ACER1: variants seen among roughly 807,000 people sequenced by gnomAD.
ACER1 encodes the protein CTB-180A7.3.
In ACER1, 28 loss-of-function variants were observed where a neutral mutation model predicts 24.9. The ratio of observed to expected loss-of-function variants is 1.13; its 90% CI spans 0.83 to 1.54. ACER1 has a LOEUF of 1.54. Among genes scored for constraint, ACER1 ranks in the 40% most tolerant of loss-of-function variants. The probability of loss-of-function intolerance (pLI) is 0.00; values close to 1 mark genes in which losing one functional copy is unlikely to be tolerated. For synonymous variants in ACER1, 132 were observed against 131.4 expected (o/e 1.00, Z -0.03); for missense variants, 352 against 349.3 (o/e 1.01, Z -0.06).
intron 1 of ACER1, 69 bp downstream of exon 1, chr19:6,333,390 G>T: frequency 7.6e-7 from 1 of 1,317,058 alleles, no homozygotes; most frequent in Non-Finnish European, 1.1e-6. Flanking sequence ...CCCCAGTAAG[G>T]CTGTATGGGG....
chr19:6,354,968 G>A, the ACER1 span, among the ~76,000 whole-genome samples: 3 of 152,122 alleles, frequency 2.0e-5, no homozygotes, highest in Non-Finnish European at 2.9e-5. Flanking sequence ...GATTGCAGGC[G>A]CGCGCCACCA....
At chr19:6,324,856 AGAGAAAGG>A (rs1236936615) in intron 1 of ACER1, among the ~76,000 whole-genome samples, 1 of 102,346 alleles carries the variant, frequency 9.8e-6, no homozygotes, top group African/African-American at 3.7e-5. Flanking sequence ...AAAGAGAGAG[AGAGAAAGG>A]AAGGAAGGAA....
chr19:6,312,337 A>G (rs1469491383), intron 2 of ACER1, 47 bp from the exon 3 acceptor site: 4 of 1,612,576 alleles, frequency 2.5e-6, no homozygotes, highest in Non-Finnish European at 3.4e-6. Flanking sequence ...CACCTCCTAA[A>G]CCCCCACTGC....
chr19:6,306,977 C>T lies in ACER1; in HGVS notation c.627-95G>A. 3.3e-6 allele frequency: 5 copies of T among 1,510,406 alleles called. No homozygotes were observed. In the Admixed American group the frequency reaches 1.0e-4, roughly 31 times the overall value. 93.6% of individuals were successfully genotyped at this position (1,510,406 alleles called of 1,614,324 possible). ...TTCTCATGGCTCTTGACCATCCATC[C>T]AGGGGAGCCTTCTGGGTCTGGCCCC... On this transcript the variant is annotated intron_variant, in intron 5 of 5. Coordinates refer to ENST00000301452, the MANE Select transcript of ACER1 (RefSeq NM_133492.3).
the ACER1 span, among the ~76,000 whole-genome samples, chr19:6,347,098 C>CAAAAAAAAAAAAAAAAAAAA: frequency 3.7e-5 from 3 of 81,978 alleles, no homozygotes; most frequent in African/African-American, 1.3e-4. Flanking sequence ...CCTGTCTCTA[C>CAAAAAAAAAAAAAAAAAAAA]AAAAAAAAAA....
the ACER1 span, among the ~76,000 whole-genome samples, chr19:6,342,936 C>T: frequency 6.6e-5 from 10 of 151,976 alleles, no homozygotes; most frequent in Non-Finnish European, 1.2e-4. Context: ...CGCCACTGTG[C>T]CCGGCTAATT....
At chr19:6,309,594 T>C (rs1409288557) in intron 4 of ACER1, 103 bp downstream of exon 4, 4 of 1,442,992 alleles carry the variant, frequency 2.8e-6, no homozygotes, top group South Asian at 1.2e-5. Flanking sequence ...TACTTGTTAG[T>C]GGGTGATCTT....
chr19:6,339,944 C>A, the ACER1 span, among the ~76,000 whole-genome samples: 1 of 151,560 alleles, frequency 6.6e-6, no homozygotes, highest in African/African-American at 2.4e-5. Flanking sequence ...GGATTACAGG[C>A]GTGAGCCACC....
intron 1 of ACER1, among the ~76,000 whole-genome samples, chr19:6,325,885 C>T (rs879372970): frequency 1.3e-5 from 2 of 150,886 alleles, no homozygotes; most frequent in Non-Finnish European, 2.9e-5. Context: ...AAATTCAAAG[C>T]CTTAGAGGAC....
At chr19:6,317,107 G>A (rs1001733274) in intron 1 of ACER1, among the ~76,000 whole-genome samples, 3 of 151,238 alleles carry the variant, frequency 2.0e-5, no homozygotes, top group Non-Finnish European at 4.4e-5. Context: ...CCAAGTAGCT[G>A]GGACTACAGG....
intron 1 of ACER1, among the ~76,000 whole-genome samples, chr19:6,314,060 C>T (rs990503767): frequency 4.0e-5 from 6 of 150,252 alleles, no homozygotes; most frequent in Non-Finnish European, 8.9e-5. Context: ...TGAGGTCAGG[C>T]GTTCAAGGCC....
chr19:6,352,505 A>G, the ACER1 span, among the ~76,000 whole-genome samples: 1 of 152,210 alleles, frequency 6.6e-6, no homozygotes, highest in African/African-American at 2.4e-5. Flanking sequence ...AGCTGAGCCC[A>G]GTGCAGATTC....
intron 1 of ACER1, among the ~76,000 whole-genome samples, chr19:6,326,469 T>G (rs1394029956): frequency 6.6e-6 from 1 of 151,410 alleles, no homozygotes; most frequent in African/African-American, 2.4e-5. Flanking sequence ...CTTGCTATAT[T>G]GCCCAGGCTG....
At chr19:6,316,404 C>T (rs2091603271) in intron 1 of ACER1, among the ~76,000 whole-genome samples, 1 of 152,206 alleles carries the variant, frequency 6.6e-6, no homozygotes, top group Non-Finnish European at 1.5e-5. Context: ...TGCCACTTCA[C>T]TCCAACCTGG....
intron 5 of ACER1, 24 bp downstream of exon 5, chr19:6,307,129 C>G: frequency 1.9e-6 from 3 of 1,612,754 alleles, no homozygotes; most frequent in South Asian, 2.2e-5. Flanking sequence ...CTGGGCCCCC[C>G]ACAGCCTCAG....
the ACER1 span, among the ~76,000 whole-genome samples, chr19:6,354,182 AAAAATAAAATAAAAT>A: frequency 6.6e-6 from 1 of 151,858 alleles, no homozygotes; most frequent in South Asian, 2.1e-4. Context: ...AGACCATCTC[AAAAATAAAATAAAAT>A]AAAATAAAAT....
chr19:6,315,778 C>T (rs72981983), intron 1 of ACER1, among the ~76,000 whole-genome samples: 2 of 151,792 alleles, frequency 1.3e-5, no homozygotes, highest in African/African-American at 2.4e-5. Flanking sequence ...GCCTCCCAAA[C>T]TGCTGGGATT....
intron 1 of ACER1, among the ~76,000 whole-genome samples, chr19:6,332,572 A>G (rs915056169): frequency 6.6e-6 from 1 of 152,106 alleles, no homozygotes; most frequent in African/African-American, 2.4e-5. Context: ...GGTGCTAGGT[A>G]CATCCATGAT....
At chr19:6,346,803 T>A in the ACER1 span, among the ~76,000 whole-genome samples, 6 of 151,950 alleles carry the variant, frequency 3.9e-5, no homozygotes, top group Admixed American at 3.3e-4. Context: ...AGAACTCAGA[T>A]GTATTTTCTT....
Sources: allele counts gnomAD v4.1 joint callset (sites outside exome capture counted in the v4.1 genomes callset), GRCh38; gene constraint gnomAD v4.1.1; transcripts MANE v1.5; gene names NCBI Gene and HGNC (gene_info 2026-07-23, HGNC 2026-07-21).